Variants in SEMA6D observed in about 807,000 individuals in gnomAD.
The protein encoded by SEMA6D is semaphorin 6D.
A neutral mutation model predicts 106.6 loss-of-function variants in SEMA6D; 35 were observed. The ratio of observed to expected loss-of-function variants is 0.33; its 90% CI spans 0.25 to 0.44. The LOEUF (loss-of-function observed/expected upper bound fraction) is 0.44. Ranked by LOEUF, SEMA6D falls within the 20% of genes least tolerant of loss-of-function variation. SEMA6D has a pLI of 1.00. For missense variants in SEMA6D, 1,185 were observed against 1,345.9 expected (o/e 0.88, Z 1.87); for synonymous variants, 499 against 487.7 (o/e 1.02, Z -0.31).
intron 1 of SEMA6D, among the ~76,000 whole-genome samples, chr15:47,232,441 G>A (rs1049911405): frequency 7.9e-5 from 12 of 151,758 alleles, no homozygotes; most frequent in African/African-American, 2.7e-4. Context: ...TACTGTAGCC[G>A]TAGCAGTTAA....
At chr15:47,207,721 A>G (rs1256694915) in intron 1 of SEMA6D, among the ~76,000 whole-genome samples, 1 of 152,102 alleles carries the variant, frequency 6.6e-6, no homozygotes, top group Non-Finnish European at 1.5e-5. Flanking sequence ...TTCATGAAAA[A>G]GGCAGTCCTC....
chr15:47,665,447 T>C (rs1204398077), intron 4 of SEMA6D, among the ~76,000 whole-genome samples: 1 of 152,146 alleles, frequency 6.6e-6, no homozygotes, highest in Non-Finnish European at 1.5e-5. Context: ...ACTAATCAAA[T>C]AATAAGGTCA....
At chr15:47,218,253 G>A (rs1249090726) in intron 1 of SEMA6D, among the ~76,000 whole-genome samples, 1 of 152,084 alleles carries the variant, frequency 6.6e-6, no homozygotes, top group Non-Finnish European at 1.5e-5. Flanking sequence ...CATAGCTGTT[G>A]GATTGTTGCA....
At chr15:47,374,085 A>G (rs2039367156) in intron 1 of SEMA6D, among the ~76,000 whole-genome samples, 1 of 152,232 alleles carries the variant, frequency 6.6e-6, no homozygotes, top group Non-Finnish European at 1.5e-5. Flanking sequence ...GAATACTAGC[A>G]AATAAAAAGG....
At chr15:47,618,808 C>T (rs2077050557) in intron 4 of SEMA6D, among the ~76,000 whole-genome samples, 1 of 152,160 alleles carries the variant, frequency 6.6e-6, no homozygotes. Context: ...GTGTAAATAT[C>T]AGATTCTTCA....
chr15:47,354,199 CTA>C (rs58550689), intron 1 of SEMA6D, among the ~76,000 whole-genome samples: 17,967 of 69,564 alleles, frequency 0.26, 1,109 homozygotes, highest in Middle Eastern at 0.39. Flanking sequence ...CTCTCTCTCT[CTA>C]TATATATATA....
At chr15:47,616,711 C>CT (rs1596457476) in intron 4 of SEMA6D, among the ~76,000 whole-genome samples, 1 of 152,014 alleles carries the variant, frequency 6.6e-6, no homozygotes, top group Non-Finnish European at 1.5e-5. Flanking sequence ...TACTGGGACT[C>CT]TGAGTTGTCT....
chr15:47,323,680 G>GGTGTTTTCAAGGAGTTTC (rs2037013757), intron 1 of SEMA6D, among the ~76,000 whole-genome samples: 1 of 152,122 alleles, frequency 6.6e-6, no homozygotes, highest in Non-Finnish European at 1.5e-5. Flanking sequence ...TTTCACCAGG[G>GGTGTTTTCAAGGAGTTTC]ATCTGTCCTT....
chr15:47,211,346 G>C (rs1458471468), intron 1 of SEMA6D, among the ~76,000 whole-genome samples: 1 of 152,150 alleles, frequency 6.6e-6, no homozygotes, highest in East Asian at 1.9e-4. Context: ...ATGATGTTCT[G>C]CTATAAGATC....
intron 3 of SEMA6D, among the ~76,000 whole-genome samples, chr15:47,482,980 C>T (rs922543969): frequency 6.6e-6 from 1 of 152,082 alleles, no homozygotes; most frequent in Non-Finnish European, 1.5e-5. Context: ...GATATAGATA[C>T]TTGCTCTTGT....
intron 1 of SEMA6D, among the ~76,000 whole-genome samples, chr15:47,282,334 C>T (rs1013709264): frequency 6.6e-6 from 1 of 152,056 alleles, no homozygotes; most frequent in Non-Finnish European, 1.5e-5. Context: ...CTCTTTGTGT[C>T]GGCTTCTTTT....
chr15:47,432,756 A>T (rs917896151), intron 2 of SEMA6D, among the ~76,000 whole-genome samples: 1 of 151,914 alleles, frequency 6.6e-6, no homozygotes, highest in Non-Finnish European at 1.5e-5. Context: ...ATAATTAACC[A>T]CTCCTAATTA....
At chr15:47,264,956 A>C (rs569899985) in intron 1 of SEMA6D, among the ~76,000 whole-genome samples, 1 of 152,164 alleles carries the variant, frequency 6.6e-6, no homozygotes, top group East Asian at 1.9e-4. Flanking sequence ...AATTCATGGG[A>C]TAAATCTCAT....
intron 1 of SEMA6D, among the ~76,000 whole-genome samples, chr15:47,745,156 G>T (rs546393123): frequency 6.6e-6 from 1 of 152,324 alleles, no homozygotes; most frequent in East Asian, 1.9e-4. Context: ...TCTGGCATTA[G>T]AACCACACAC....
intron 1 of SEMA6D, among the ~76,000 whole-genome samples, chr15:47,747,672 A>G (rs904345497): frequency 2.0e-5 from 3 of 152,082 alleles, no homozygotes; most frequent in African/African-American, 4.8e-5. Context: ...CTCCCATAGT[A>G]TCTACTACCA....
chr15:47,301,924 GA>G (rs1292672587), intron 1 of SEMA6D, among the ~76,000 whole-genome samples: 1 of 152,172 alleles, frequency 6.6e-6, no homozygotes, highest in Non-Finnish European at 1.5e-5. Context: ...AACCTGTGTA[GA>G]AAATATTTTA....
intron 2 of SEMA6D, 95 bp from the exon 3 acceptor site, chr15:47,760,209 C>T (rs2081985762): frequency 4.8e-6 from 4 of 825,198 alleles, no homozygotes; most frequent in South Asian, 3.4e-5. Context: ...TAGTTAAAAC[C>T]CTTCTACAAC....
intron 4 of SEMA6D, among the ~76,000 whole-genome samples, chr15:47,638,472 C>A (rs1288087023): frequency 6.6e-6 from 1 of 152,106 alleles, no homozygotes; most frequent in Non-Finnish European, 1.5e-5. Flanking sequence ...GATACTAGCA[C>A]CCCTTAACAA....
At chr15:47,532,229 T>C (rs1656629) in intron 3 of SEMA6D, among the ~76,000 whole-genome samples, 43,007 of 152,110 alleles carry the variant, frequency 0.28, 6,291 homozygotes, top group East Asian at 0.47. Flanking sequence ...AGGGATAATT[T>C]ATTTGTAAAG....
Sources: allele counts gnomAD v4.1 joint callset (sites outside exome capture counted in the v4.1 genomes callset), GRCh38; gene constraint gnomAD v4.1.1; transcripts MANE v1.5; gene names NCBI Gene and HGNC (gene_info 2026-07-23, HGNC 2026-07-21).